ENPP6: variants seen among roughly 807,000 people sequenced by gnomAD.
ENPP6 encodes glycerophosphocholine cholinephosphodiesterase ENPP6.
ENPP6 carries 32 observed loss-of-function variants against 42.0 expected under a neutral mutation model. The ratio of observed to expected loss-of-function variants is 0.76; its 90% CI spans 0.58 to 1.02. ENPP6 has a LOEUF of 1.02. ENPP6 is among the 50% of genes least tolerant of loss of function. The pLI is 0.00. For missense variants in ENPP6, 552 were observed against 566.8 expected, an observed-to-expected ratio of 0.97 and a Z score of 0.27; for synonymous variants, 213 against 216.0, an observed-to-expected ratio of 0.99 and a Z score of 0.12.
chr4:184,098,217 G>A (rs7669962), intron 6 of ENPP6, among the ~76,000 whole-genome samples: 147,585 of 152,304 alleles, frequency 0.97, 71,657 homozygotes, highest in East Asian at 1. Flanking sequence ...CAAATCACAC[G>A]CAGGTGCCGG....
At chr4:184,165,153 C>G (rs746519602) in intron 1 of ENPP6, among the ~76,000 whole-genome samples, 2 of 152,136 alleles carry the variant, frequency 1.3e-5, no homozygotes, top group Admixed American at 6.5e-5. Context: ...AACCTAGGGC[C>G]AAAGGCAGAA....
At chr4:184,113,953 T>TTCTC (rs1160350405) in intron 5 of ENPP6, among the ~76,000 whole-genome samples, 7 of 142,052 alleles carry the variant, frequency 4.9e-5, no homozygotes, top group Non-Finnish European at 9.4e-5. Flanking sequence ...CTTTCTTTCT[T>TTCTC]TCTTTCTTTC....
At chr4:184,109,706 A>G (rs1444517993) in intron 6 of ENPP6, among the ~76,000 whole-genome samples, 1 of 152,186 alleles carries the variant, frequency 6.6e-6, no homozygotes, top group Non-Finnish European at 1.5e-5. Context: ...AAGTGATTGT[A>G]TATGTTAAAA....
intron 1 of ENPP6, among the ~76,000 whole-genome samples, chr4:184,156,377 A>T (rs1403722493): frequency 6.6e-6 from 1 of 152,156 alleles, no homozygotes; most frequent in Admixed American, 6.6e-5. Context: ...TTGCTCTTTC[A>T]TTTTTATTGC....
intron 1 of ENPP6, among the ~76,000 whole-genome samples, chr4:184,157,774 A>AT (rs34358499): frequency 0.092 from 11,184 of 122,192 alleles, 690 homozygotes; most frequent in Admixed American, 0.14. Flanking sequence ...AACTTGGCTA[A>AT]TTTTTTTTTT....
chr4:184,097,118 G>T, intron 7 of ENPP6, 127 bp downstream of exon 7: 1 of 1,396,306 alleles, frequency 7.2e-7, no homozygotes, highest in African/African-American at 1.4e-5. Flanking sequence ...GGCTGGGTTT[G>T]CTCTGCTTGG....
In ENPP6 at chr4:184,123,003, C is replaced by T. The variant is rs182112282; in HGVS notation, c.533+1158G>A. Among the ~76,000 whole-genome samples the T allele has an allele frequency of 3.9e-5, 6 of 152,302 alleles. No individual in the cohort carries two copies. The East Asian group carries it at 1.2e-3, about 29-fold the overall frequency. On this transcript the variant is annotated intron_variant, in intron 3 of 7. Transcript: ENST00000296741. ...CTCCAGCACTCACGGGCAATTATTTCTCCATTTCTATGTGTTTTAAACCTG... is the reference window on the plus strand; with the variant it reads ...CTCCAGCACTCACGGGCAATTATTTTTCCATTTCTATGTGTTTTAAACCTG...
At chr4:184,128,714 T>A (rs1736545212) in intron 2 of ENPP6, among the ~76,000 whole-genome samples, 1 of 152,196 alleles carries the variant, frequency 6.6e-6, no homozygotes, top group African/African-American at 2.4e-5. Flanking sequence ...TCTAGAGGAT[T>A]TGAATGTTAG....
At chr4:184,112,895 C>T (rs192885477) in intron 5 of ENPP6, 86 bp from the exon 6 acceptor site, 70 of 1,347,938 alleles carry the variant, frequency 5.2e-5, no homozygotes, top group South Asian at 4.0e-4. Flanking sequence ...GGAGAACTTA[C>T]GTATAAGACC....
rs559807685 is a variant in ENPP6, at chr4:184,107,847, G to A, written c.993+4825C>T. 4.2e-4 allele frequency among the ~76,000 whole-genome samples: 63 copies of A among 151,758 alleles called. 1 individual carries two copies. In the East Asian group the frequency reaches 4.8e-3, roughly 12 times the overall value. On this transcript the variant is annotated intron_variant, in intron 6 of 7. Coordinates refer to ENST00000296741, the MANE Select transcript of ENPP6 (RefSeq NM_153343.4). Reference sequence around the variant, plus strand: ...GGAGAATGGCGTGAACCCGGGAGGCGGAGCTTGCTGTGAGCCGAGATCCCG... The same window carrying A: ...GGAGAATGGCGTGAACCCGGGAGGCAGAGCTTGCTGTGAGCCGAGATCCCG...
intron 6 of ENPP6, among the ~76,000 whole-genome samples, chr4:184,102,295 G>A (rs4320173): frequency 0.83 from 125,683 of 152,030 alleles, 52,202 homozygotes; most frequent in East Asian, 0.97. Flanking sequence ...TGCGCTGGGA[G>A]TGAAGGTGCA....
intron 1 of ENPP6, 48 bp from the exon 2 acceptor site, chr4:184,153,781 T>C (rs760689372): frequency 6.4e-7 from 1 of 1,571,564 alleles, no homozygotes; most frequent in Non-Finnish European, 8.6e-7. Flanking sequence ...TGGTGGTTTC[T>C]ATTTTTATCT....
At chr4:184,157,330 G>A (rs149719124) in intron 1 of ENPP6, among the ~76,000 whole-genome samples, 64 of 152,238 alleles carry the variant, frequency 4.2e-4, no homozygotes, top group African/African-American at 1.4e-3. Context: ...GCATCCTTCC[G>A]TCTATCACAG....
chr4:184,175,681 G>C (rs1042690671), intron 1 of ENPP6, among the ~76,000 whole-genome samples: 2 of 152,198 alleles, frequency 1.3e-5, no homozygotes, highest in Non-Finnish European at 2.9e-5. Flanking sequence ...ATGAGATCTT[G>C]TTCTGGAGTA....
intron 1 of ENPP6, among the ~76,000 whole-genome samples, chr4:184,156,489 T>C (rs987290266): frequency 6.6e-6 from 1 of 152,218 alleles, no homozygotes; most frequent in African/African-American, 2.4e-5. Context: ...CCCATATCTA[T>C]TTTTATACAA....
At chr4:184,199,710 C>T (rs996106438) in intron 1 of ENPP6, among the ~76,000 whole-genome samples, 25 of 152,154 alleles carry the variant, frequency 1.6e-4, no homozygotes, top group African/African-American at 6.0e-4. Flanking sequence ...TGTTAGGGGC[C>T]ATCAGTGTCC....
At chr4:184,107,201 C>T (rs1579611403) in intron 6 of ENPP6, among the ~76,000 whole-genome samples, 2 of 152,228 alleles carry the variant, frequency 1.3e-5, no homozygotes, top group Middle Eastern at 6.8e-3. Flanking sequence ...AGGGCAAAGT[C>T]TTTCCAGAAG....
chr4:184,114,773 AAAAAAAAG>A (rs1212293770), intron 5 of ENPP6, among the ~76,000 whole-genome samples: 1 of 152,190 alleles, frequency 6.6e-6, no homozygotes, highest in African/African-American at 2.4e-5. Flanking sequence ...CTTGCCAAAA[AAAAAAAAG>A]AAAAAAAGAA....
chr4:184,135,449 A>C (rs1025406214), intron 2 of ENPP6, among the ~76,000 whole-genome samples: 6 of 152,216 alleles, frequency 3.9e-5, no homozygotes, highest in Non-Finnish European at 8.8e-5. Context: ...AATGTCCTTA[A>C]CTTAAAAACA....
Sources: gnomAD v4.1 joint callset for allele counts (sites outside exome capture counted in the v4.1 genomes callset) on GRCh38, gnomAD v4.1.1 for gene constraint, MANE v1.5 for transcripts, NCBI Gene and HGNC (gene_info 2026-07-23, HGNC 2026-07-21) for gene names.